The following NFX1 variants were observed in gnomAD, a reference collection of about 807,000 sequenced individuals.
The protein encoded by NFX1 is nuclear transcription factor, X-box binding 1.
Under a neutral mutation model 137.2 loss-of-function variants are expected in NFX1, and 69 were observed. The ratio of observed to expected loss-of-function variants is 0.50; its 90% CI spans 0.41 to 0.61. The LOEUF (loss-of-function observed/expected upper bound fraction) is 0.61. Ranked by LOEUF, NFX1 falls within the 20% of genes least tolerant of loss-of-function variation. NFX1 has a pLI of 0.00. For missense variants in NFX1, 1,167 were observed against 1,391.0 expected, an observed-to-expected ratio of 0.84 and a Z score of 2.56; for synonymous variants, 495 against 474.1, an observed-to-expected ratio of 1.04 and a Z score of -0.57.
At chr9:33,323,885 G>T (rs1189896721) in intron 9 of NFX1, among the ~76,000 whole-genome samples, 1 of 152,204 alleles carries the variant, frequency 6.6e-6, no homozygotes, top group Non-Finnish European at 1.5e-5. Context: ...TAAAGAGATA[G>T]AAACTAGTTT....
chr9:33,320,317 A>G (rs1822338879), intron 9 of NFX1, among the ~76,000 whole-genome samples: 1 of 152,158 alleles, frequency 6.6e-6, no homozygotes, highest in African/African-American at 2.4e-5. Context: ...AGTTTACTGA[A>G]GGTGTTGTAA....
At chr9:33,329,994 A>G (rs1278142732) in intron 10 of NFX1, among the ~76,000 whole-genome samples, 1 of 152,104 alleles carries the variant, frequency 6.6e-6, no homozygotes, top group African/African-American at 2.4e-5. Flanking sequence ...GGGTTTCACC[A>G]TGTTGGCCAG....
At chr9:33,330,113 C>T (rs1048799697) in intron 10 of NFX1, among the ~76,000 whole-genome samples, 4 of 152,132 alleles carry the variant, frequency 2.6e-5, no homozygotes, top group African/African-American at 9.7e-5. Context: ...TAGTTTTCAT[C>T]AGACTTTATG....
At position 33,295,120 on chromosome 9, in the gene NFX1, A is replaced by G; in HGVS notation, c.726A>G (p.Pro242=). ...GACGAAATGAGCAGAGAAGATACCC[A>G]CAGAAAAGGCCTCCCTGGGAAGTGG... ...GARRNEQRRY[P]QKRPPWEVEG... Residue 242 remains proline, a synonymous_variant, in exon 2 of 24, where the codon CCA becomes CCG. Transcript: ENST00000379540. 1 of 1,614,148 alleles carries G rather than the reference A, an allele frequency of 6.2e-7. No homozygotes were observed. Among genetic ancestry groups the G allele is most frequent in the Middle Eastern group, 1.6e-4 (1 of 6,062 alleles).
chr9:33,349,247 G>C (rs941938537), intron 15 of NFX1, among the ~76,000 whole-genome samples: 3 of 152,218 alleles, frequency 2.0e-5, no homozygotes, highest in African/African-American at 7.2e-5. Flanking sequence ...CCTTCACTTT[G>C]GGTTAGGAGG....
intron 16 of NFX1, chr9:33,352,020 C>A: frequency 2.0e-6 from 1 of 493,730 alleles, no homozygotes; most frequent in South Asian, 3.4e-5. Flanking sequence ...CAGTCTGTGT[C>A]TCCCTTGGGT....
Position 33,370,984 on chromosome 9 carries a change from T to C in NFX1, c.*1006T>C, listed in dbSNP as rs1274517905. The C allele has an allele frequency of 1.3e-5, 2 of 152,210 alleles. No individual in the cohort carries two copies. Among genetic ancestry groups the C allele is most frequent in the East Asian group, 3.9e-4 (2 of 5,184 alleles). The allele number at this position is 152,210 out of a possible 1,614,324, so 9.4% of individuals were successfully genotyped here. The stretch of plus-strand genomic sequence containing the variant: ...TTCAGGCTCCTTTAAGGCAGGTGCA[T>C]TGATAGTTCCATTAGTGTGACCCTT... On this transcript the variant is annotated 3_prime_UTR_variant, in exon 24 of 24. Coordinates refer to ENST00000379540, the MANE Select transcript of NFX1 (RefSeq NM_002504.6).
intron 19 of NFX1, among the ~76,000 whole-genome samples, chr9:33,355,810 GATTTTTGT>G (rs746362534): frequency 2.0e-5 from 3 of 151,752 alleles, no homozygotes; most frequent in Non-Finnish European, 4.4e-5. Context: ...ATGCCCAGCT[GATTTTTGT>G]ATTTTTAGTA....
At chr9:33,303,530 C>CT (rs1459827713) in intron 4 of NFX1, among the ~76,000 whole-genome samples, 1 of 152,212 alleles carries the variant, frequency 6.6e-6, no homozygotes, top group Non-Finnish European at 1.5e-5. Context: ...GAGACCAGGC[C>CT]TGACCATGTA....
rs756509327 is a variant in NFX1 at position 33,319,140 on chromosome 9, C to T, written c.1906+13C>T. On this transcript the variant is annotated intron_variant, in intron 9 of 23. Coordinates refer to ENST00000379540, the MANE Select transcript of NFX1 (RefSeq NM_002504.6). ...TGTGGTTCCTTAGGTAACTAGTAAGCGTAAAGTTGGCTTTAAAAATATTAT... is the reference window on the plus strand; with the variant it reads ...TGTGGTTCCTTAGGTAACTAGTAAGTGTAAAGTTGGCTTTAAAAATATTAT... 5 of 1,611,156 alleles carry T rather than the reference C, an allele frequency of 3.1e-6. No individual in the cohort carries two copies. The highest frequency in any genetic ancestry group is 2.2e-5 in the South Asian group (2 of 91,014).
intron 1 of NFX1, among the ~76,000 whole-genome samples, chr9:33,293,598 T>C (rs1821238102): frequency 6.6e-6 from 1 of 152,232 alleles, no homozygotes; most frequent in Non-Finnish European, 1.5e-5. Context: ...CAATTTATAG[T>C]ATATTCTGTA....
Position 33,366,786 on chromosome 9 carries a change from C to T in NFX1, c.3185+12C>T, listed in dbSNP as rs755808061. 5.0e-6 allele frequency: 8 copies of T among 1,611,168 alleles called. No homozygotes were observed. In the African/African-American group the frequency reaches 8.0e-5, roughly 16 times the overall value. On this transcript the variant is annotated intron_variant, in intron 22 of 23. Coordinates refer to ENST00000379540, the MANE Select transcript of NFX1 (RefSeq NM_002504.6). ...GTCACTGCCATCAGGTAGGTCAATC[C>T]CGCCGTCAGAGGAAGAACTCCTAAG...
intron 1 of NFX1, among the ~76,000 whole-genome samples, chr9:33,293,488 G>C (rs1447691685): frequency 1.3e-5 from 2 of 152,206 alleles, no homozygotes; most frequent in East Asian, 3.8e-4. Context: ...TATAGAGGTT[G>C]TTACTATCTT....
At chr9:33,311,873 T>C (rs1229447231) in intron 6 of NFX1, among the ~76,000 whole-genome samples, 1 of 151,912 alleles carries the variant, frequency 6.6e-6, no homozygotes, top group East Asian at 1.9e-4. Flanking sequence ...TTTTTTAACC[T>C]CTCTAAGTGG....
intron 9 of NFX1, among the ~76,000 whole-genome samples, chr9:33,324,968 A>G (rs1822526913): frequency 6.6e-6 from 1 of 151,964 alleles, no homozygotes; most frequent in Admixed American, 6.6e-5. Context: ...AACCCAACGG[A>G]CAGAGAGAAA....
intron 5 of NFX1, 139 bp downstream of exon 5, chr9:33,307,438 C>A: frequency 1.5e-6 from 1 of 670,136 alleles, no homozygotes; most frequent in Non-Finnish European, 2.7e-6. Flanking sequence ...TCAAATCACC[C>A]TGTGCCAGGC....
chr9:33,320,046 C>G (rs941694507), intron 9 of NFX1, among the ~76,000 whole-genome samples: 1 of 151,702 alleles, frequency 6.6e-6, no homozygotes, highest in African/African-American at 2.4e-5. Flanking sequence ...ACTGCAACCT[C>G]TACCTCCTGG....
intron 7 of NFX1, among the ~76,000 whole-genome samples, chr9:33,315,884 T>C (rs1419932922): frequency 6.0e-5 from 3 of 50,144 alleles, no homozygotes; most frequent in Admixed American, 5.6e-4. Flanking sequence ...AGTACCCACC[T>C]CTGTCTCAAA....
At chr9:33,369,833 C>T in intron 23 of NFX1, 73 bp from the exon 24 acceptor site, 1 of 1,052,270 alleles carries the variant, frequency 9.5e-7, no homozygotes. Context: ...TCAGCTGATC[C>T]TTAACTTTCT....
Sources: allele counts gnomAD v4.1 joint callset (sites outside exome capture counted in the v4.1 genomes callset), GRCh38; gene constraint gnomAD v4.1.1; transcripts MANE v1.5; gene names NCBI Gene and HGNC (gene_info 2026-07-23, HGNC 2026-07-21).